The following RBFOX1 variants were observed in gnomAD, a reference collection of about 807,000 sequenced individuals.
RBFOX1 encodes the protein RNA binding fox-1 homolog 1.
Under a neutral mutation model 57.7 loss-of-function variants are expected in RBFOX1, and 8 were observed. The observed-to-expected ratio is 0.14, with a 90% CI of 0.08 to 0.25. The LOEUF is 0.25. RBFOX1 is among the 10% of genes least tolerant of loss of function. RBFOX1 has a pLI of 1.00. For synonymous variants in RBFOX1, 326 were observed against 222.4 expected, an observed-to-expected ratio of 1.47 and a Z score of -4.15; for missense variants, 611 against 548.5, an observed-to-expected ratio of 1.11 and a Z score of -1.14.
chr16:6,679,368 C>T lies in RBFOX1; in HGVS notation c.-16+24718C>T, dbSNP rs150609009. Among the ~76,000 whole-genome samples the T allele has an allele frequency of 8.3e-3, 1,262 of 152,164 alleles. 19 individuals carry two copies. The highest frequency in any genetic ancestry group is 0.02 in the Middle Eastern group (6 of 294). ...TGGATGTTCTGATGTTTGGGAAATG[C>T]TTGTCTTGCTATATTGGTGATGGAA... On this transcript the variant is annotated intron_variant, in intron 3 of 15. Transcript: ENST00000550418.
At chr16:6,485,846 T>C (rs1174342263) in intron 2 of RBFOX1, among the ~76,000 whole-genome samples, 2 of 152,152 alleles carry the variant, frequency 1.3e-5, no homozygotes, top group Non-Finnish European at 2.9e-5. Context: ...ATCACTTGTC[T>C]TAATTTTAGA....
Position 7,202,954 on chromosome 16 carries a change from G to GT in RBFOX1, c.27+150861dup, listed in dbSNP as rs559037554. Among the ~76,000 whole-genome samples, 59 of 151,980 alleles carry GT rather than the reference G, an allele frequency of 3.9e-4. 1 individual carries two copies. Among genetic ancestry groups the GT allele is most frequent in the Non-Finnish European group, 7.6e-4 (52 of 67,992 alleles). Reference sequence around the variant, plus strand: ...CTGGCTGGAGTGCCAGGCTAATTTTGTTTTTATATTTTTAGTAGAGATGGG... The same window carrying GT: ...CTGGCTGGAGTGCCAGGCTAATTTTGTTTTTTATATTTTTAGTAGAGATGGG... On this transcript the variant is annotated intron_variant, in intron 4 of 15. Transcript: ENST00000550418.
intron 2 of RBFOX1, among the ~76,000 whole-genome samples, chr16:6,335,737 C>A (rs1206616235): frequency 7.4e-6 from 1 of 135,040 alleles, no homozygotes; most frequent in African/African-American, 3.0e-5. Flanking sequence ...GAGATCGCAC[C>A]ACTACAGTCC....
At chr16:5,698,503 G>A (rs746169717) in intron 3 of RBFOX1, among the ~76,000 whole-genome samples, 74 of 151,964 alleles carry the variant, frequency 4.9e-4, no homozygotes, top group Non-Finnish European at 8.7e-4. Context: ...ACTAGTTTTT[G>A]TTTTTTGTAC....
chr16:5,782,612 T>C, intron 3 of RBFOX1, among the ~76,000 whole-genome samples: 1 of 152,180 alleles, frequency 6.6e-6, no homozygotes, highest in South Asian at 2.1e-4. Flanking sequence ...GTTAGGGTTC[T>C]CCAGGGAAAC....
intron 3 of RBFOX1, among the ~76,000 whole-genome samples, chr16:5,810,819 A>C (rs1214235514): frequency 6.6e-6 from 1 of 152,200 alleles, no homozygotes; most frequent in Non-Finnish European, 1.5e-5. Context: ...AATCATCACA[A>C]AATTCAAATT....
At chr16:7,063,212 A>T (rs185432439) in intron 4 of RBFOX1, among the ~76,000 whole-genome samples, 2 of 152,022 alleles carry the variant, frequency 1.3e-5, no homozygotes, top group African/African-American at 4.8e-5. Flanking sequence ...GTTCTCAGTC[A>T]TCAAGAGCAG....
intron 4 of RBFOX1, among the ~76,000 whole-genome samples, chr16:7,268,430 G>A (rs1367809379): frequency 6.6e-6 from 1 of 152,170 alleles, no homozygotes; most frequent in African/African-American, 2.4e-5. Flanking sequence ...TGCTCTCTGG[G>A]AGAAGGAAGC....
At chr16:7,550,285 T>G (rs577993030) in intron 5 of RBFOX1, among the ~76,000 whole-genome samples, 3 of 151,708 alleles carry the variant, frequency 2.0e-5, no homozygotes, top group Admixed American at 2.0e-4. Context: ...GAAATACCCT[T>G]GAGTTCCGGA....
At position 6,799,937 on chromosome 16, in the gene RBFOX1, G is replaced by A. The variant is rs574861990; in HGVS notation, c.-16+145287G>A. ...TGCAGATGGCTTATAGTGAGACTTC[G>A]TCTTGTGATGATGTGAGTCAATTCT... is the stretch of plus-strand genomic sequence containing the variant. On this transcript the variant is annotated intron_variant, in intron 3 of 15. Coordinates refer to ENST00000550418, the MANE Select transcript of RBFOX1 (RefSeq NM_018723.4). Among the ~76,000 whole-genome samples, 49 of 152,150 alleles carry A rather than the reference G, an allele frequency of 3.2e-4. 1 individual carries two copies. The highest frequency in any genetic ancestry group is 9.4e-4 in the African/African-American group (39 of 41,512).
chr16:6,336,200 T>C (rs1167651139), intron 2 of RBFOX1, among the ~76,000 whole-genome samples: 1 of 79,732 alleles, frequency 1.3e-5, no homozygotes, highest in African/African-American at 6.0e-5. Context: ...TTTTTTTTTT[T>C]TTTTTTTTTT....
intron 2 of RBFOX1, among the ~76,000 whole-genome samples, chr16:5,486,603 G>A (rs2042635965): frequency 6.6e-6 from 1 of 152,072 alleles, no homozygotes; most frequent in Non-Finnish European, 1.5e-5. Flanking sequence ...CTCTGCACAG[G>A]GACATGCCAG....
chr16:6,214,238 G>GTCT (rs779303540), intron 1 of RBFOX1, among the ~76,000 whole-genome samples: 3 of 152,116 alleles, frequency 2.0e-5, no homozygotes, highest in Non-Finnish European at 4.4e-5. Context: ...CTACATTGAT[G>GTCT]TCTTGTTCTT....
intron 3 of RBFOX1, among the ~76,000 whole-genome samples, chr16:6,756,985 GACAAACAAACAAACAA>G (rs142038941): frequency 7.1e-6 from 1 of 140,720 alleles, no homozygotes; most frequent in South Asian, 2.1e-4. Flanking sequence ...CAAACAAACA[GACAAACAAACAAACAA>G]ACAAACAAAC....
intron 4 of RBFOX1, among the ~76,000 whole-genome samples, chr16:7,434,408 C>T (rs562735505): frequency 3.3e-5 from 5 of 151,944 alleles, no homozygotes; most frequent in Non-Finnish European, 5.9e-5. Context: ...GGAGGCGGAG[C>T]TTGCAGTGAG....
At chr16:5,460,355 T>A (rs976641281) in intron 1 of RBFOX1, among the ~76,000 whole-genome samples, 1 of 152,218 alleles carries the variant, frequency 6.6e-6, no homozygotes, top group African/African-American at 2.4e-5. Flanking sequence ...AATTCTTGTA[T>A]AATGGGATGG....
At chr16:7,228,994 G>C (rs910790440) in intron 4 of RBFOX1, among the ~76,000 whole-genome samples, 5 of 152,104 alleles carry the variant, frequency 3.3e-5, no homozygotes, top group African/African-American at 1.2e-4. Flanking sequence ...TGAGCTGGAA[G>C]GATGGGGAAT....
chr16:7,052,226 A>G (rs1390239427), intron 4 of RBFOX1, 128 bp downstream of exon 4: 4 of 1,374,838 alleles, frequency 2.9e-6, no homozygotes, highest in Non-Finnish European at 3.9e-6. Flanking sequence ...AGAGTTGAAA[A>G]TATTTATCCC....
At chr16:5,415,946 G>A (rs1211623904) in intron 1 of RBFOX1, among the ~76,000 whole-genome samples, 1 of 152,166 alleles carries the variant, frequency 6.6e-6, no homozygotes, top group Non-Finnish European at 1.5e-5. Flanking sequence ...CTGCATGTGT[G>A]TGGACTCAGA....
Sources: allele counts gnomAD v4.1 joint callset (sites outside exome capture counted in the v4.1 genomes callset), GRCh38; gene constraint gnomAD v4.1.1; transcripts MANE v1.5; gene names NCBI Gene and HGNC (gene_info 2026-07-23, HGNC 2026-07-21).